The following ADGRA1 variants were observed in gnomAD, a reference collection of about 807,000 sequenced individuals.
ADGRA1 encodes the protein G-protein coupled receptor 123.
A neutral mutation model predicts 21.3 loss-of-function variants in ADGRA1; 12 were observed. The observed-to-expected ratio is 0.56, with a 90% CI of 0.36 to 0.91. The LOEUF is 0.91. Ranked by LOEUF, ADGRA1 falls within the 40% of genes least tolerant of loss-of-function variation. The pLI is 0.01. For synonymous variants in ADGRA1, 385 were observed against 368.8 expected, an observed-to-expected ratio of 1.04 and a Z score of -0.50; for missense variants, 790 against 805.6, an observed-to-expected ratio of 0.98 and a Z score of 0.23.
rs761682447 is a variant in ADGRA1 at position 133,128,603 on chromosome 10, G to A, written c.775G>A (p.Ala259Thr). 39 of 1,598,332 alleles carry A rather than the reference G, an allele frequency of 2.4e-5. No individual in the cohort carries two copies. Among genetic ancestry groups the A allele is most frequent in the African/African-American group, 8.0e-5 (6 of 74,668 alleles). ...EHSFQAQLRAAAFTLFLFTAT... is the reference protein window; with the variant it reads ...EHSFQAQLRATAFTLFLFTAT... Reference sequence around the variant, plus strand: ...CTCATTCCAGGCACAGCTGCGCGCCGCCGCCTTCACGCTGTTCCTGTTCAC... The same window carrying A: ...CTCATTCCAGGCACAGCTGCGCGCCACCGCCTTCACGCTGTTCCTGTTCAC... Residue 259 changes from alanine to threonine, a missense_variant, in exon 7 of 7, where the codon GCC becomes ACC. Physicochemically the swap from Ala to Thr is moderately conservative, Grantham distance 58. This residue lies in a region of ADGRA1 where 382 missense variants were observed against 415.6 expected (regional missense o/e 0.92). Coordinates refer to ENST00000392607, the MANE Select transcript of ADGRA1 (RefSeq NM_001083909.3).
intron 5 of ADGRA1, among the ~76,000 whole-genome samples, chr10:133,105,272 G>A (rs1005903778): frequency 2.6e-5 from 4 of 152,220 alleles, no homozygotes; most frequent in South Asian, 4.1e-4. Context: ...GCCGGGACAG[G>A]GCAGCGCAGC....
In ADGRA1 at chr10:133,095,730, G is replaced by A. The variant is rs772602518; in HGVS notation, c.4-1244G>A. ...TGGACGGACAAGAAGTGTGGCCTCA[G>A]GAGGGAAGCAGGAGCTCTCGGGCCC... On this transcript the variant is annotated intron_variant, in intron 2 of 6. Coordinates refer to ENST00000392607, the MANE Select transcript of ADGRA1 (RefSeq NM_001083909.3). 6 of 1,598,244 alleles carry A rather than the reference G, an allele frequency of 3.8e-6. No homozygotes were observed. In the East Asian group the frequency reaches 6.7e-5, roughly 18 times the overall value.
chr10:133,104,308 G>A (rs1180126891), intron 5 of ADGRA1, among the ~76,000 whole-genome samples: 1 of 152,184 alleles, frequency 6.6e-6, no homozygotes, highest in East Asian at 1.9e-4. Flanking sequence ...CTGCCAGGGA[G>A]GCCCCAGGTC....
chr10:133,094,121 G>T (rs1162315307), intron 2 of ADGRA1, among the ~76,000 whole-genome samples: 2 of 152,278 alleles, frequency 1.3e-5, no homozygotes, highest in Admixed American at 6.5e-5. Context: ...CTCAGTCCGT[G>T]TGAAACCTCA....
intron 2 of ADGRA1, chr10:133,095,788 T>G: frequency 2.5e-6 from 4 of 1,598,164 alleles, no homozygotes; most frequent in Non-Finnish European, 3.4e-6. Context: ...CAGGTGACAC[T>G]GCCTCTGCCC....
intron 5 of ADGRA1, among the ~76,000 whole-genome samples, chr10:133,104,428 TC>T (rs1468960716): frequency 6.6e-6 from 1 of 152,178 alleles, no homozygotes; most frequent in Non-Finnish European, 1.5e-5. Context: ...CCGGCGCTCT[TC>T]CATCCGGTGT....
chr10:133,118,896 T>TCACA, intron 5 of ADGRA1, among the ~76,000 whole-genome samples: 1 of 147,804 alleles, frequency 6.8e-6, no homozygotes, highest in Non-Finnish European at 1.5e-5. Flanking sequence ...ACACTTACAC[T>TCACA]CACACACGTA....
intron 1 of ADGRA1, 39 bp from the exon 2 acceptor site, chr10:133,088,656 GCCCTCCGCGGGGA>G: frequency 8.7e-7 from 1 of 1,146,052 alleles, no homozygotes; most frequent in South Asian, 4.5e-5. Context: ...GCTGCGAGCT[GCCCTCCGCGGGGA>G]CCCTCCGCCC....
chr10:133,130,028 G>C lies in ADGRA1; in HGVS notation c.*517G>C, dbSNP rs962382021. 3 of 157,822 alleles carry C rather than the reference G, an allele frequency of 1.9e-5. No homozygotes were observed. The highest frequency in any genetic ancestry group is 7.2e-5 in the African/African-American group (3 of 41,490). 9.8% of individuals were successfully genotyped at this position (157,822 alleles called of 1,614,324 possible). A position where few individuals can be genotyped will look rare whatever the true frequency, so the allele number is the denominator to read the frequency against. On this transcript the variant is annotated 3_prime_UTR_variant, in exon 7 of 7. Transcript: ENST00000392607. Reference sequence around the variant, plus strand: ...TGTGTGTCTTGCGTTCTACTCCGGGGGTGGCGGCGGCAGGTCTGTCCCCAG... The same window carrying C: ...TGTGTGTCTTGCGTTCTACTCCGGGCGTGGCGGCGGCAGGTCTGTCCCCAG...
In ADGRA1 at chr10:133,130,815, G is replaced by GCA. The variant is rs1330249796; in HGVS notation, c.*1312_*1313dup. ...ACACAAACGTGCATATCACACACAC[G>GCA]CACACACACCCAAACACGTGCATAT... On this transcript the variant is annotated 3_prime_UTR_variant, in exon 7 of 7. Coordinates refer to ENST00000392607, the MANE Select transcript of ADGRA1 (RefSeq NM_001083909.3). The GCA allele has an allele frequency of 7.2e-6, 1 of 139,760 alleles. No individual in the cohort carries two copies. The highest frequency in any genetic ancestry group is 2.7e-5 in the African/African-American group (1 of 37,018). The allele number at this position is 139,760 out of a possible 1,614,324, so 8.7% of individuals were successfully genotyped here.
chr10:133,118,866 T>TG (rs1852202927), intron 5 of ADGRA1, among the ~76,000 whole-genome samples: 1 of 142,044 alleles, frequency 7.0e-6, no homozygotes, highest in African/African-American at 3.1e-5. Flanking sequence ...CACACACACA[T>TG]CACACACACA....
rs180897922 is a variant in ADGRA1 at position 133,094,917 on chromosome 10, T to G, written c.4-2057T>G. On this transcript the variant is annotated intron_variant, in intron 2 of 6. Coordinates refer to ENST00000392607, the MANE Select transcript of ADGRA1 (RefSeq NM_001083909.3). ...TCACTGGATAACCTGATGTCGGGAT[T>G]TGGCCGGGAAAACATGCTTTTCTGT... 2.1e-3 allele frequency among the ~76,000 whole-genome samples: 327 copies of G among 152,258 alleles called. 2 individuals carry two copies. The highest frequency in any genetic ancestry group is 7.7e-3 in the African/African-American group (318 of 41,558).
chr10:133,108,938 C>T (rs967202812), intron 5 of ADGRA1, among the ~76,000 whole-genome samples: 2 of 149,354 alleles, frequency 1.3e-5, no homozygotes, highest in Non-Finnish European at 3.0e-5. Context: ...TCCACTCGGC[C>T]CCAGCTCCAC....
At chr10:133,093,188 G>A in intron 2 of ADGRA1, 1 of 1,594,708 alleles carries the variant, frequency 6.3e-7, no homozygotes, top group Non-Finnish European at 8.5e-7. Context: ...CAGGGAGGAA[G>A]ATTCCTTCAG....
rs1306302404 is a variant in ADGRA1, at chr10:133,129,647, GA to G, written c.*137del. Reference sequence around the variant, plus strand: ...GTTCACACCCCTGCCCCTTCCTTGTGATCACACCCCTGCCCCTTCCTTGTGA... The same window carrying G: ...GTTCACACCCCTGCCCCTTCCTTGTGTCACACCCCTGCCCCTTCCTTGTGA... On this transcript the variant is annotated 3_prime_UTR_variant, in exon 7 of 7. Coordinates refer to ENST00000392607, the MANE Select transcript of ADGRA1 (RefSeq NM_001083909.3). 10 of 423,412 alleles carry G rather than the reference GA, an allele frequency of 2.4e-5. No individual in the cohort carries two copies. Among genetic ancestry groups the G allele is most frequent in the Non-Finnish European group, 2.5e-5 (6 of 243,850 alleles). 26.2% of individuals were successfully genotyped at this position (423,412 alleles called of 1,614,324 possible).
At chr10:133,091,957 C>A (rs1851602677) in intron 2 of ADGRA1, among the ~76,000 whole-genome samples, 1 of 152,340 alleles carries the variant, frequency 6.6e-6, no homozygotes, top group Non-Finnish European at 1.5e-5. Flanking sequence ...CAGCTGCTCC[C>A]CGAGGCCGGA....
At chr10:133,098,857 T>A in intron 4 of ADGRA1, 94 bp downstream of exon 4, 1 of 1,488,356 alleles carries the variant, frequency 6.7e-7, no homozygotes, top group Non-Finnish European at 9.0e-7. Context: ...TTTGCTCAGC[T>A]ATTTCCCGGG....
intron 5 of ADGRA1, among the ~76,000 whole-genome samples, chr10:133,123,149 C>CTA (rs1182781619): frequency 3.3e-5 from 5 of 152,202 alleles, no homozygotes; most frequent in Non-Finnish European, 7.3e-5. Flanking sequence ...TCTAAGCCTG[C>CTA]TAACTCCTCA....
chr10:133,123,590 GT>G (rs1256235786), intron 5 of ADGRA1, among the ~76,000 whole-genome samples: 1 of 152,208 alleles, frequency 6.6e-6, no homozygotes, highest in Non-Finnish European at 1.5e-5. Context: ...CGTGGCTGCT[GT>G]GGCCACGGTG....
Sources: gnomAD v4.1 joint callset for allele counts (sites outside exome capture counted in the v4.1 genomes callset) on GRCh38, gnomAD v4.1.1 for gene constraint, gnomAD v4.1.1 regional missense constraint, MANE v1.5 for transcripts, NCBI Gene and HGNC (gene_info 2026-07-23, HGNC 2026-07-21) for gene names.